The following MEIKIN variants were observed in gnomAD, a reference collection of about 807,000 sequenced individuals.
The protein encoded by MEIKIN is meiotic kinetochore factor, also known as meiosis-specific kinetochore protein.
chr5:131,932,965 A>G (rs555833203), intron 5 of MEIKIN, among the ~76,000 whole-genome samples: 1 of 152,168 alleles, frequency 6.6e-6, no homozygotes, highest in South Asian at 2.1e-4. Flanking sequence ...CAAACTTTGT[A>G]CTTTCTTTTT....
intron 8 of MEIKIN, among the ~76,000 whole-genome samples, chr5:131,899,682 G>A (rs1751122598): frequency 1.3e-5 from 2 of 152,030 alleles, no homozygotes; most frequent in Admixed American, 1.3e-4. Flanking sequence ...AAGAGCAGGA[G>A]TAGCTATATT....
intron 10 of MEIKIN, among the ~76,000 whole-genome samples, chr5:131,852,729 T>A (rs1403921818): frequency 6.6e-6 from 1 of 152,154 alleles, no homozygotes; most frequent in African/African-American, 2.4e-5. Context: ...AATAGGATCA[T>A]GATGATAGTT....
chr5:131,907,958 G>C (rs949302673), intron 8 of MEIKIN, among the ~76,000 whole-genome samples: 1 of 152,056 alleles, frequency 6.6e-6, no homozygotes, highest in Non-Finnish European at 1.5e-5. Context: ...TCCTGGTAAA[G>C]AAAATTCCAG....
intron 9 of MEIKIN, among the ~76,000 whole-genome samples, chr5:131,863,073 G>A (rs1182402364): frequency 6.6e-6 from 1 of 152,094 alleles, no homozygotes; most frequent in African/African-American, 2.4e-5. Context: ...ATCTTGCTAA[G>A]TTTTCAAGTA....
At chr5:131,892,381 T>C (rs954824932) in intron 8 of MEIKIN, among the ~76,000 whole-genome samples, 2 of 152,240 alleles carry the variant, frequency 1.3e-5, no homozygotes, top group African/African-American at 4.8e-5. Context: ...TCTTTTCACA[T>C]AGTCCCATAT....
chr5:131,862,521 A>AAT (rs1750304555), intron 9 of MEIKIN, among the ~76,000 whole-genome samples: 1 of 152,034 alleles, frequency 6.6e-6, no homozygotes, highest in African/African-American at 2.4e-5. Flanking sequence ...CTTAAAGTGC[A>AAT]TCACTAAATT....
intron 5 of MEIKIN, among the ~76,000 whole-genome samples, chr5:131,929,768 T>C (rs940759214): frequency 6.6e-6 from 1 of 151,124 alleles, no homozygotes; most frequent in Admixed American, 6.6e-5. Context: ...TTCCCACTTA[T>C]GAGAACATAT....
rs552249859 is a variant in MEIKIN, at chr5:131,921,906, A to G, written c.514T>C (p.Trp172Arg). 2.5e-6 allele frequency: 1 copy of G among 399,002 alleles called. No homozygotes were observed. The highest frequency in any genetic ancestry group is 1.3e-4 in the South Asian group (1 of 7,864). 24.7% of individuals were successfully genotyped at this position (399,002 alleles called of 1,614,324 possible). A position where few individuals can be genotyped will look rare whatever the true frequency, so the allele number is the denominator to read the frequency against. ...GTATCCAGAAGAGTAGAATTCTTCC[A>G]CTGCATGTGTTCTTCCAAGTTGGGA... ...ECPNLEEHMQ[W>R]KNSTLLDTSK... Residue 172 changes from tryptophan to arginine, a missense_variant, in exon 6 of 13, where the codon TGG becomes CGG. Coordinates refer to ENST00000442687, the MANE Select transcript of MEIKIN (RefSeq NM_001303622.2).
At chr5:131,816,551 C>A (rs1201037696) in intron 12 of MEIKIN, among the ~76,000 whole-genome samples, 4 of 152,216 alleles carry the variant, frequency 2.6e-5, no homozygotes, top group African/African-American at 4.8e-5. Context: ...TATACTTCTA[C>A]AGCTCCATAA....
chr5:131,912,544 A>G (rs910850480), intron 7 of MEIKIN, among the ~76,000 whole-genome samples: 3 of 152,160 alleles, frequency 2.0e-5, no homozygotes, highest in Middle Eastern at 3.2e-3. Flanking sequence ...GTCCGTAGCA[A>G]GAAAATGCAG....
intron 11 of MEIKIN, among the ~76,000 whole-genome samples, chr5:131,843,719 G>T (rs571483363): frequency 1.3e-4 from 20 of 152,240 alleles, no homozygotes; most frequent in African/African-American, 4.3e-4. Context: ...CAGCATTTTG[G>T]TCAAAACCAT....
chr5:131,821,866 C>A (rs1339468949), intron 11 of MEIKIN, among the ~76,000 whole-genome samples: 1 of 151,798 alleles, frequency 6.6e-6, no homozygotes, highest in Non-Finnish European at 1.5e-5. Flanking sequence ...CTCAAGTGAT[C>A]CTCCCACTTT....
chr5:131,923,401 C>A (rs1402026439), intron 5 of MEIKIN, among the ~76,000 whole-genome samples: 1 of 151,874 alleles, frequency 6.6e-6, no homozygotes, highest in Non-Finnish European at 1.5e-5. Context: ...ATTTTCTTCC[C>A]TTTTTTCTGT....
At chr5:131,889,760 T>A (rs1408318543) in intron 8 of MEIKIN, among the ~76,000 whole-genome samples, 2 of 152,172 alleles carry the variant, frequency 1.3e-5, no homozygotes, top group East Asian at 1.9e-4. Flanking sequence ...TGAATAGGAG[T>A]AATGCGAGAG....
intron 5 of MEIKIN, among the ~76,000 whole-genome samples, chr5:131,923,593 G>A (rs1361187075): frequency 1.5e-5 from 2 of 137,018 alleles, no homozygotes; most frequent in African/African-American, 2.7e-5. Flanking sequence ...TCCTTTTACT[G>A]AGTTTTCCAT....
chr5:131,811,301 C>T (rs1772947744), intron 12 of MEIKIN, among the ~76,000 whole-genome samples: 1 of 151,476 alleles, frequency 6.6e-6, no homozygotes, highest in Non-Finnish European at 1.5e-5. Flanking sequence ...CCAAAAAGAT[C>T]AAATTAAGAG....
intron 5 of MEIKIN, among the ~76,000 whole-genome samples, chr5:131,927,402 A>T (rs967571194): frequency 2.0e-5 from 3 of 152,192 alleles, no homozygotes; most frequent in African/African-American, 7.2e-5. Context: ...ATTATGGAGA[A>T]TGTCCTATCT....
chr5:131,930,426 A>T (rs1184303382), intron 5 of MEIKIN, among the ~76,000 whole-genome samples: 1 of 152,070 alleles, frequency 6.6e-6, no homozygotes, highest in Non-Finnish European at 1.5e-5. Flanking sequence ...ATTTTCTCCC[A>T]TTCTGTAGGT....
intron 11 of MEIKIN, among the ~76,000 whole-genome samples, chr5:131,831,060 G>A (rs768543726): frequency 2.4e-4 from 37 of 152,078 alleles, no homozygotes; most frequent in Non-Finnish European, 4.4e-4. Context: ...ATTGCACCTG[G>A]CTAATTTTTG....
Sources: allele counts gnomAD v4.1 joint callset (sites outside exome capture counted in the v4.1 genomes callset), GRCh38; gene constraint gnomAD v4.1.1; transcripts MANE v1.5; gene names NCBI Gene and HGNC (gene_info 2026-07-23, HGNC 2026-07-21).